WDR35: variants seen among roughly 807,000 people sequenced by gnomAD.
WDR35 encodes the protein WD repeat-containing protein 35.
Under a neutral mutation model 158.3 loss-of-function variants are expected in WDR35, and 118 were observed. The ratio of observed to expected loss-of-function variants is 0.75; its 90% CI spans 0.64 to 0.87. The LOEUF (loss-of-function observed/expected upper bound fraction) is 0.87. Among genes scored for constraint, WDR35 ranks in the 40% least tolerant of loss-of-function variants. WDR35 has a pLI of 0.00. For synonymous variants in WDR35, 448 were observed against 476.1 expected (o/e 0.94, Z 0.77); for missense variants, 1,263 against 1,405.8 (o/e 0.90, Z 1.62).
chr2:19,963,653 C>T (rs2103440105), intron 10 of WDR35, among the ~76,000 whole-genome samples: 1 of 152,178 alleles, frequency 6.6e-6, no homozygotes, highest in South Asian at 2.1e-4. Flanking sequence ...AAGTAACTTC[C>T]TAAGATAGGG....
At chr2:19,951,610 T>C in intron 12 of WDR35, 126 bp from the exon 13 acceptor site, 1 of 753,110 alleles carries the variant, frequency 1.3e-6, no homozygotes, top group Non-Finnish European at 2.1e-6. Context: ...CTGATTATTT[T>C]AGAGAGTTCT....
At chr2:19,949,380 T>C (rs1304619123) in intron 13 of WDR35, among the ~76,000 whole-genome samples, 1 of 152,090 alleles carries the variant, frequency 6.6e-6, no homozygotes, top group Admixed American at 6.6e-5. Context: ...ATATGTAACA[T>C]GATTAGATTT....
chr2:19,964,862 C>T (rs895940783), intron 10 of WDR35, among the ~76,000 whole-genome samples: 11 of 151,850 alleles, frequency 7.2e-5, no homozygotes, highest in Non-Finnish European at 1.3e-4. Flanking sequence ...CTATAGTATC[C>T]TTTTCTTATT....
chr2:19,936,735 A>T (rs945639791), intron 19 of WDR35, among the ~76,000 whole-genome samples: 1 of 152,206 alleles, frequency 6.6e-6, no homozygotes, highest in Non-Finnish European at 1.5e-5. Flanking sequence ...AAGGCATAAC[A>T]TTCAAAGCAC....
chr2:19,921,309 A>G (rs1198208828), intron 25 of WDR35, among the ~76,000 whole-genome samples: 4 of 152,260 alleles, frequency 2.6e-5, no homozygotes, highest in East Asian at 1.9e-4. Context: ...GAAGCATCAC[A>G]CTAACTGACT....
intron 22 of WDR35, 136 bp from the exon 23 acceptor site, chr2:19,932,583 A>T: frequency 9.5e-7 from 1 of 1,052,340 alleles, no homozygotes; most frequent in Non-Finnish European, 1.4e-6. Context: ...TAAAAATAGC[A>T]TTTAAAATCA....
Position 19,937,901 on chromosome 2 carries a change from A to C in WDR35, c.2109T>G (p.Thr703=), listed in dbSNP as rs201822027. The part of the protein sequence containing the change: ...EAALQKLDLY[T]AEQAFVRCKD... ...TGCAGCGCACAAATGCTTGCTCTGC[A>C]GTGTATAGATCCAGTTTCTGAAGAG... The change falls in exon 19 of 27, where the codon ACT becomes ACG. Residue 703 remains threonine, a synonymous_variant. Coordinates refer to ENST00000281405, the MANE Select transcript of WDR35 (RefSeq NM_020779.4). The C allele has an allele frequency of 4.1e-5, 66 of 1,614,164 alleles. No homozygotes were observed. The Middle Eastern group carries it at 9.9e-4, about 24-fold the overall frequency.
intron 20 of WDR35, 40 bp downstream of exon 20, chr2:19,936,179 G>A (rs762909471): frequency 1.9e-6 from 3 of 1,613,136 alleles, no homozygotes; most frequent in Non-Finnish European, 2.5e-6. Flanking sequence ...GCTACTAAGT[G>A]TTGCATGAAT....
chr2:19,931,779 T>C (rs187304987), intron 23 of WDR35, among the ~76,000 whole-genome samples: 1 of 152,290 alleles, frequency 6.6e-6, no homozygotes, highest in East Asian at 1.9e-4. Flanking sequence ...AGTGTTAACA[T>C]GGTGCATCCT....
chr2:19,937,995 A>C, intron 18 of WDR35, 49 bp from the exon 19 acceptor site: 1 of 1,596,168 alleles, frequency 6.3e-7, no homozygotes, highest in South Asian at 1.1e-5. Flanking sequence ...CAAATTACTG[A>C]CAAACTAGTC....
intron 19 of WDR35, 107 bp from the exon 20 acceptor site, chr2:19,936,472 G>T: frequency 6.7e-7 from 1 of 1,481,954 alleles, no homozygotes; most frequent in Non-Finnish European, 9.3e-7. Context: ...CACAGCAGTG[G>T]ACAATGTGAC....
intron 11 of WDR35, among the ~76,000 whole-genome samples, chr2:19,957,787 A>G: frequency 6.6e-6 from 1 of 152,180 alleles, no homozygotes; most frequent in East Asian, 1.9e-4. Context: ...TCCTGACCTC[A>G]GGTGATCTAC....
chr2:19,920,146 G>A lies in WDR35; in HGVS notation c.3122-5869C>T, dbSNP rs576908014. Among the ~76,000 whole-genome samples, 3 of 152,294 alleles carry A rather than the reference G, an allele frequency of 2.0e-5. No homozygotes were observed. In the South Asian group the frequency reaches 6.2e-4, roughly 32 times the overall value. On this transcript the variant is annotated intron_variant, in intron 25 of 26. Transcript: ENST00000281405. ...ACGGATTCACAGCCAAATTCTACCA[G>A]AGGTATAAAGAGGAGCTGGTACTAT...
Position 19,975,603 on chromosome 2 carries a change from G to A in WDR35, c.497C>T (p.Ala166Val), listed in dbSNP as rs374556044. ...GIQLSHVTWS[A>V]DSKVLLFGMA... ...TCCAAAAAGTAAGACTTTACTGTCC[G>A]CAGACCATGTTACATGGGATAGCTG... Residue 166 changes from alanine to valine, a missense_variant, in exon 6 of 27, where the codon GCG becomes GTG. Coordinates refer to ENST00000281405, the MANE Select transcript of WDR35 (RefSeq NM_020779.4). 2.3e-5 allele frequency: 37 copies of A among 1,613,954 alleles called. No homozygotes were observed. Among genetic ancestry groups the A allele is most frequent in the Middle Eastern group, 3.3e-4 (2 of 6,060 alleles).
chr2:19,913,712 T>C lies in WDR35; in HGVS notation c.3363-4A>G, dbSNP rs1669905099. ...TGTTGGCAGTTTCCCTTCTCCACTG[T>C]AAAACGGGGAGAAACAATTCATTAT... On this transcript the variant is annotated splice_polypyrimidine_tract_variant and splice_region_variant and intron_variant, in intron 26 of 26. Coordinates refer to ENST00000281405, the MANE Select transcript of WDR35 (RefSeq NM_020779.4). 6.2e-7 allele frequency: 1 copy of C among 1,613,874 alleles called. No homozygotes were observed. The highest frequency in any genetic ancestry group is 1.3e-5 in the African/African-American group (1 of 74,912).
At chr2:19,979,142 CCTCT>C (rs1395571395) in intron 4 of WDR35, among the ~76,000 whole-genome samples, 1 of 151,918 alleles carries the variant, frequency 6.6e-6, no homozygotes, top group Non-Finnish European at 1.5e-5. Context: ...TCTTTCTTTC[CCTCT>C]CTCTTTCTTT....
chr2:19,935,687 T>A (rs1440732685), intron 20 of WDR35, 84 bp from the exon 21 acceptor site: 1 of 1,497,648 alleles, frequency 6.7e-7, no homozygotes, highest in African/African-American at 1.4e-5. Flanking sequence ...TGTTCCTTCA[T>A]CATAATTCCC....
intron 8 of WDR35, among the ~76,000 whole-genome samples, chr2:19,971,842 C>A (rs569085787): frequency 1.3e-5 from 2 of 152,322 alleles, no homozygotes; most frequent in South Asian, 4.1e-4. Flanking sequence ...TTTTAGTAAG[C>A]CCTCATTACA....
intron 10 of WDR35, among the ~76,000 whole-genome samples, chr2:19,965,136 C>T (rs1671807220): frequency 6.6e-6 from 1 of 152,058 alleles, no homozygotes; most frequent in Non-Finnish European, 1.5e-5. Flanking sequence ...TTAGCCAGGC[C>T]GATCTCGAAC....
Sources: allele counts gnomAD v4.1 joint callset (sites outside exome capture counted in the v4.1 genomes callset), GRCh38; gene constraint gnomAD v4.1.1; transcripts MANE v1.5; gene names NCBI Gene and HGNC (gene_info 2026-07-23, HGNC 2026-07-21).